Variants in TENM2 observed in about 807,000 individuals in gnomAD.
TENM2 encodes teneurin-2.
A neutral mutation model predicts 245.2 loss-of-function variants in TENM2; 52 were observed. The ratio of observed to expected loss-of-function variants is 0.21; its 90% confidence interval spans 0.17 to 0.27. The LOEUF is 0.27. Among genes scored for constraint, TENM2 ranks in the 10% least tolerant of loss-of-function variants. TENM2 has a pLI of 1.00. For synonymous variants in TENM2, 1,363 were observed against 1,438.9 expected (o/e 0.95, Z 1.19); for missense variants, 3,046 against 3,666.8 (o/e 0.83, Z 4.37).
At chr5:167,347,637 C>A (rs1758549144) in intron 1 of TENM2, among the ~76,000 whole-genome samples, 1 of 151,722 alleles carries the variant, frequency 6.6e-6, no homozygotes, top group Non-Finnish European at 1.5e-5. Context: ...CACTTCTAAA[C>A]CTCCTTCTTC....
intron 1 of TENM2, among the ~76,000 whole-genome samples, chr5:167,343,516 G>C (rs918206040): frequency 6.6e-6 from 1 of 152,060 alleles, no homozygotes; most frequent in African/African-American, 2.4e-5. Flanking sequence ...TTTGCCTCCA[G>C]ATATTTTGCT....
intron 2 of TENM2, among the ~76,000 whole-genome samples, chr5:167,436,175 C>T (rs1405448809): frequency 3.3e-5 from 5 of 151,536 alleles, no homozygotes; most frequent in South Asian, 2.1e-4. Flanking sequence ...GACAGGGTTT[C>T]ACCGTGTTGG....
At chr5:167,110,626 G>T in the TENM2 span, among the ~76,000 whole-genome samples, 1 of 152,178 alleles carries the variant, frequency 6.6e-6, no homozygotes. Context: ...AATATTTCCA[G>T]AATACATTGG....
At chr5:167,681,162 A>G (rs1190651370) in intron 2 of TENM2, among the ~76,000 whole-genome samples, 2 of 152,190 alleles carry the variant, frequency 1.3e-5, no homozygotes, top group Non-Finnish European at 2.9e-5. Flanking sequence ...CATAGTTCAA[A>G]CCACATTTTC....
chr5:167,844,536 T>C (rs980568294), intron 2 of TENM2, among the ~76,000 whole-genome samples: 1 of 152,224 alleles, frequency 6.6e-6, no homozygotes, highest in Non-Finnish European at 1.5e-5. Context: ...TGTTGTGTTA[T>C]TGGGTTTGGT....
At chr5:167,938,694 G>A (rs1778926144) in intron 3 of TENM2, 1 of 152,168 alleles carries the variant, frequency 6.6e-6, no homozygotes, top group African/African-American at 2.4e-5. Context: ...ACAAATCAAT[G>A]ATTAAGAATT....
At chr5:167,486,792 C>G (rs1423445497) in intron 2 of TENM2, among the ~76,000 whole-genome samples, 3 of 152,062 alleles carry the variant, frequency 2.0e-5, no homozygotes, top group Non-Finnish European at 4.4e-5. Context: ...GAGGTGACAA[C>G]CCCATCACTA....
At chr5:168,084,303 T>C (rs1393027177) in intron 7 of TENM2, among the ~76,000 whole-genome samples, 1 of 152,238 alleles carries the variant, frequency 6.6e-6, no homozygotes, top group African/African-American at 2.4e-5. Flanking sequence ...TGAATGGTAG[T>C]TCTGTTTTAA....
chr5:168,216,023 C>T (rs1713122236), intron 21 of TENM2, among the ~76,000 whole-genome samples: 1 of 152,178 alleles, frequency 6.6e-6, no homozygotes, highest in South Asian at 2.1e-4. Flanking sequence ...ACCCATGGGT[C>T]TCTATTTGAA....
At chr5:167,098,737 G>A in the TENM2 span, among the ~76,000 whole-genome samples, 1 of 152,206 alleles carries the variant, frequency 6.6e-6, no homozygotes, top group African/African-American at 2.4e-5. Context: ...CAGTTCCCGT[G>A]ACTGGGGAGG....
At chr5:167,755,295 G>A (rs543205889) in intron 2 of TENM2, 2 of 756,762 alleles carry the variant, frequency 2.6e-6, no homozygotes, top group South Asian at 4.2e-5. Context: ...GATACCAAGG[G>A]AGAGATGGGA....
intron 2 of TENM2, among the ~76,000 whole-genome samples, chr5:167,808,659 C>T (rs1267908684): frequency 6.6e-6 from 1 of 152,252 alleles, no homozygotes; most frequent in East Asian, 1.9e-4. Context: ...ATAGAAACCC[C>T]TTGTCTTTTT....
chr5:167,578,626 T>A (rs2127676111), intron 2 of TENM2, among the ~76,000 whole-genome samples: 1 of 152,318 alleles, frequency 6.6e-6, no homozygotes, highest in South Asian at 2.1e-4. Context: ...TCATCTCTGG[T>A]TTCTTGACAT....
chr5:168,005,903 A>G (rs1784786316), intron 5 of TENM2, among the ~76,000 whole-genome samples: 1 of 152,124 alleles, frequency 6.6e-6, no homozygotes, highest in Non-Finnish European at 1.5e-5. Context: ...AAGACAGGAG[A>G]AGCATTCCTT....
At chr5:167,189,470 T>G in the TENM2 span, among the ~76,000 whole-genome samples, 1 of 152,064 alleles carries the variant, frequency 6.6e-6, no homozygotes, top group South Asian at 2.1e-4. Flanking sequence ...TCTCTCTTCC[T>G]TTCTCTCTTT....
chr5:167,178,154 G>A, the TENM2 span, among the ~76,000 whole-genome samples: 2 of 152,134 alleles, frequency 1.3e-5, no homozygotes, highest in Non-Finnish European at 2.9e-5. Flanking sequence ...TCATTACATT[G>A]CAGTATTGCA....
intron 5 of TENM2, among the ~76,000 whole-genome samples, chr5:168,029,996 G>A (rs1786970250): frequency 1.3e-5 from 2 of 152,014 alleles, no homozygotes; most frequent in Non-Finnish European, 2.9e-5. Flanking sequence ...ATTCATACAA[G>A]AGGCACTGCT....
the TENM2 span, among the ~76,000 whole-genome samples, chr5:167,100,214 C>G: frequency 2.6e-5 from 4 of 152,264 alleles, no homozygotes; most frequent in African/African-American, 9.6e-5. Context: ...TATACAGATA[C>G]TGGGTGAATG....
intron 2 of TENM2, among the ~76,000 whole-genome samples, chr5:167,445,336 T>TATATATAG (rs368881390): frequency 1.3e-3 from 100 of 77,288 alleles, no homozygotes; most frequent in African/African-American, 2.9e-3. Context: ...TATATATATA[T>TATATATAG]AGAGAGAGAG....
Sources: gnomAD v4.1 joint callset for allele counts (sites outside exome capture counted in the v4.1 genomes callset) on GRCh38, gnomAD v4.1.1 for gene constraint, MANE v1.5 for transcripts, NCBI Gene and HGNC (gene_info 2026-07-23, HGNC 2026-07-21) for gene names.